The following CCDC85C variants were observed in gnomAD, a reference collection of about 807,000 sequenced individuals.
CCDC85C encodes the protein coiled-coil domain containing 85C, also known as coiled-coil domain-containing protein 85C.
Under a neutral mutation model 38.3 loss-of-function variants are expected in CCDC85C, and 18 were observed. The ratio of observed to expected loss-of-function variants is 0.47; its 90% CI spans 0.33 to 0.70. CCDC85C has a LOEUF of 0.70. Ranked by LOEUF, CCDC85C falls within the 30% of genes least tolerant of loss-of-function variation. The pLI is 0.03. For missense variants in CCDC85C, 566 were observed against 621.2 expected, an observed-to-expected ratio of 0.91 and a Z score of 0.94; for synonymous variants, 264 against 293.8, an observed-to-expected ratio of 0.90 and a Z score of 1.04.
chr14:99,569,472 T>G lies in CCDC85C; in HGVS notation c.794-33384A>C, dbSNP rs935083779. Among the ~76,000 whole-genome samples, 1 of 152,164 alleles carries G rather than the reference T, an allele frequency of 6.6e-6. No individual in the cohort carries two copies. The highest frequency in any genetic ancestry group is 2.1e-4 in the South Asian group (1 of 4,828). On this transcript the variant is annotated intron_variant, in intron 1 of 5. Coordinates refer to ENST00000380243, the MANE Select transcript of CCDC85C (RefSeq NM_001144995.2). This position sits in a 1 kb window ranked among gnomAD's most constrained non-coding sequence, Gnocchi z 4.3. ...AGGCACCCACCACTGCCTGGGGATC[T>G]AAGCAGTTACGGCTGCCCCAGGGCT...
At chr14:99,554,962 G>C (rs1189232775) in intron 1 of CCDC85C, among the ~76,000 whole-genome samples, 1 of 152,236 alleles carries the variant, frequency 6.6e-6, no homozygotes, top group African/African-American at 2.4e-5. Context: ...GCCCATGGGG[G>C]CCTCAGGTCT....
intron 1 of CCDC85C, among the ~76,000 whole-genome samples, chr14:99,581,069 C>G (rs1166085147): frequency 6.6e-5 from 10 of 152,098 alleles, no homozygotes; most frequent in African/African-American, 2.4e-4. Flanking sequence ...AGGAGACCAT[C>G]CTGGAGGCAG....
chr14:99,503,184 G>T lies in CCDC85C; in HGVS notation c.*12062C>A. 1 of 719,776 alleles carries T rather than the reference G, an allele frequency of 1.4e-6. No homozygotes were observed. The highest frequency in any genetic ancestry group is 1.5e-5 in the South Asian group (1 of 67,114). The allele number at this position is 719,776 out of a possible 1,614,324, so 44.6% of individuals were successfully genotyped here. ...GACAGGCTGCCTCTGAGAACCAGGA[G>T]GGGGCTCTCTGCCCGGCTCCAGCCC... is the stretch of plus-strand genomic sequence containing the variant. On this transcript the variant is annotated 3_prime_UTR_variant, in exon 6 of 6. Coordinates refer to ENST00000380243, the MANE Select transcript of CCDC85C (RefSeq NM_001144995.2).
chr14:99,529,231 G>A (rs908937190), intron 2 of CCDC85C, among the ~76,000 whole-genome samples: 4 of 152,100 alleles, frequency 2.6e-5, no homozygotes, highest in African/African-American at 9.7e-5. Flanking sequence ...GCCATTCAGG[G>A]TAACAGGCAG....
chr14:99,519,468 C>A (rs895415473), intron 3 of CCDC85C, among the ~76,000 whole-genome samples: 1 of 152,010 alleles, frequency 6.6e-6, no homozygotes, highest in African/African-American at 2.4e-5. Context: ...ATGGCTTGCC[C>A]AAGACCAAAC....
chr14:99,517,509 T>C (rs1319698569), intron 3 of CCDC85C, among the ~76,000 whole-genome samples: 1 of 152,100 alleles, frequency 6.6e-6, no homozygotes, highest in Non-Finnish European at 1.5e-5. Flanking sequence ...GCAAGGAAAG[T>C]AAGTTCAGCC....
At chr14:99,560,609 C>T (rs1183170601) in intron 1 of CCDC85C, among the ~76,000 whole-genome samples, 1 of 152,240 alleles carries the variant, frequency 6.6e-6, no homozygotes, top group Non-Finnish European at 1.5e-5. Context: ...GCTCTGTCCA[C>T]CTGGGCATTC....
At chr14:99,560,291 C>A (rs1326486435) in intron 1 of CCDC85C, among the ~76,000 whole-genome samples, 2 of 152,194 alleles carry the variant, frequency 1.3e-5, no homozygotes, top group Admixed American at 1.3e-4. Flanking sequence ...GGTGAAGGGG[C>A]AGCCAGGAGG....
chr14:99,593,685 C>T (rs1262556712), intron 1 of CCDC85C, among the ~76,000 whole-genome samples: 1 of 152,266 alleles, frequency 6.6e-6, no homozygotes, highest in East Asian at 1.9e-4. Flanking sequence ...CCTGGCCAGC[C>T]AGGCTCTGTG....
chr14:99,555,271 T>C (rs1337702939), intron 1 of CCDC85C, among the ~76,000 whole-genome samples: 1 of 152,206 alleles, frequency 6.6e-6, no homozygotes, highest in African/African-American at 2.4e-5. Flanking sequence ...CAGAGCCTCA[T>C]GGGATGGGAC....
chr14:99,597,373 T>G (rs543113776), intron 1 of CCDC85C, among the ~76,000 whole-genome samples: 113 of 152,302 alleles, frequency 7.4e-4, no homozygotes, highest in Non-Finnish European at 7.9e-4. Context: ...CATTCAAAGC[T>G]GGGCATTTTC....
chr14:99,510,291 C>T lies in CCDC85C; in HGVS notation c.*4955G>A. 3.2e-6 allele frequency: 5 copies of T among 1,561,594 alleles called. No individual in the cohort carries two copies. Among genetic ancestry groups the T allele is most frequent in the Non-Finnish European group, 4.3e-6 (5 of 1,149,778 alleles). On this transcript the variant is annotated 3_prime_UTR_variant, in exon 6 of 6. Coordinates refer to ENST00000380243, the MANE Select transcript of CCDC85C (RefSeq NM_001144995.2). The stretch of plus-strand genomic sequence containing the variant: ...TGTGCACCAGCCACCGCCGCTGCCA[C>T]ACCGGCCCCCGCCCCCACCCCCCTC...
rs1189766003 is a variant in CCDC85C, at chr14:99,511,812, A to AC, written c.*3433dup. ...CTTGCTGCGTAGAACGCACACAGGA[A>AC]CCCGGGGGCTTGGATTTGAAACCCT... On this transcript the variant is annotated 3_prime_UTR_variant, in exon 6 of 6. Coordinates refer to ENST00000380243, the MANE Select transcript of CCDC85C (RefSeq NM_001144995.2). 1 of 152,558 alleles carries AC rather than the reference A, an allele frequency of 6.6e-6. No individual in the cohort carries two copies. Among genetic ancestry groups the AC allele is most frequent in the Non-Finnish European group, 1.5e-5 (1 of 68,042 alleles). 9.5% of individuals were successfully genotyped at this position (152,558 alleles called of 1,614,324 possible).
chr14:99,515,518 A>G (rs916687948), intron 5 of CCDC85C, among the ~76,000 whole-genome samples, 183 bp from the exon 6 acceptor site: 1 of 152,138 alleles, frequency 6.6e-6, no homozygotes, highest in Admixed American at 6.5e-5. Context: ...CGCGCTAACT[A>G]TCGGGCCTGA....
In CCDC85C at chr14:99,603,424, G is replaced by A; in HGVS notation, c.536C>T (p.Ser179Phe). 7.9e-7 allele frequency: 1 copy of A among 1,269,158 alleles called. No homozygotes were observed. The highest frequency in any genetic ancestry group is 2.7e-5 in the South Asian group (1 of 37,040). The allele number at this position is 1,269,158 out of a possible 1,614,324, so 78.6% of individuals were successfully genotyped here. A position where few individuals can be genotyped will look rare whatever the true frequency, so the allele number is the denominator to read the frequency against. Residue 179 changes from serine to phenylalanine, a missense_variant, in exon 1 of 6, where the codon TCC becomes TTC. Physicochemically the swap from Ser to Phe is radical, Grantham distance 155 (BLOSUM62 -2). Around this residue, in one of 3 missense-constraint regions of CCDC85C, gnomAD observed 269 missense variants for 308.2 expected, o/e 0.87. Transcript: ENST00000380243. The surrounding 1 kb of genome is among the most constrained non-coding windows in gnomAD (Gnocchi z 7.5). ...GGGGGAGSRS[S>F]IDSQASLSGP... ...GCTCAGGCTGGCCTGGCTGTCGATG[G>A]AGCTGCGGGAGCCGGCGCCGCCCCC...
At chr14:99,573,125 T>C (rs1034215187) in intron 1 of CCDC85C, 2 of 293,142 alleles carry the variant, frequency 6.8e-6, no homozygotes, top group Non-Finnish European at 1.4e-5. Flanking sequence ...GGCGTGCAGC[T>C]GCCTGGGCAC....
At chr14:99,563,188 CAG>C (rs1270594576) in intron 1 of CCDC85C, among the ~76,000 whole-genome samples, 1 of 152,248 alleles carries the variant, frequency 6.6e-6, no homozygotes, top group African/African-American at 2.4e-5. Flanking sequence ...AGCAATAAAA[CAG>C]ATGCCTCAGC....
chr14:99,575,393 C>G (rs1898452718), intron 1 of CCDC85C, among the ~76,000 whole-genome samples: 5 of 152,166 alleles, frequency 3.3e-5, no homozygotes, highest in African/African-American at 1.2e-4. Context: ...GGCACCAGCG[C>G]CCAGCAATCA....
chr14:99,525,843 G>C (rs948049771), intron 2 of CCDC85C, among the ~76,000 whole-genome samples: 2 of 152,298 alleles, frequency 1.3e-5, no homozygotes, highest in East Asian at 3.9e-4. Flanking sequence ...ACTCTGGACC[G>C]GTGTCTCAGT....
Sources: allele counts gnomAD v4.1 joint callset (sites outside exome capture counted in the v4.1 genomes callset), GRCh38; gene constraint gnomAD v4.1.1; regional missense constraint gnomAD v4.1.1; non-coding constraint Gnocchi (gnomAD v3.1); transcripts MANE v1.5; gene names NCBI Gene and HGNC (gene_info 2026-07-23, HGNC 2026-07-21).